Variants in FAM168A observed in about 807,000 individuals in gnomAD.
FAM168A encodes protein FAM168A.
Under a neutral mutation model 28.5 loss-of-function variants are expected in FAM168A, and 3 were observed. The ratio of observed to expected loss-of-function variants is 0.11; its 90% CI spans 0.05 to 0.27. The LOEUF is 0.27. FAM168A is among the 10% of genes least tolerant of loss of function. The pLI, the probability that FAM168A is intolerant of heterozygous loss-of-function variation, is 1.00. For missense variants in FAM168A, 222 were observed against 311.5 expected (o/e 0.71, Z 2.16); for synonymous variants, 122 against 124.2 (o/e 0.98, Z 0.12).
rs61345051 is a variant in FAM168A at position 73,401,260 on chromosome 11, T to G, written c.*5503A>C. On this transcript the variant is annotated 3_prime_UTR_variant, in exon 8 of 8. Transcript: ENST00000356467. ...TACATGCCATGAGAACAGGTTTCTC[T>G]GTCATGTGATATGAAACAGGGAAGC... 2.0e-5 allele frequency: 3 copies of G among 152,184 alleles called. No individual in the cohort carries two copies. The highest frequency in any genetic ancestry group is 2.9e-5 in the Non-Finnish European group (2 of 68,044). The allele number at this position is 152,184 out of a possible 1,614,324, so 9.4% of individuals were successfully genotyped here.
chr11:73,515,567 G>C (rs1590827190), intron 1 of FAM168A, among the ~76,000 whole-genome samples: 1 of 142,020 alleles, frequency 7.0e-6, no homozygotes, highest in Non-Finnish European at 1.5e-5. Flanking sequence ...AAAAGGAAAA[G>C]AAAAAGTACC....
chr11:73,419,028 T>C (rs1315001840), intron 4 of FAM168A, among the ~76,000 whole-genome samples: 1 of 152,062 alleles, frequency 6.6e-6, no homozygotes, highest in Admixed American at 6.6e-5. Flanking sequence ...GCCAGGATGG[T>C]CTCAATCTCC....
At chr11:73,596,321 A>G (rs1012381381) in intron 1 of FAM168A, among the ~76,000 whole-genome samples, 2 of 152,220 alleles carry the variant, frequency 1.3e-5, no homozygotes, top group Non-Finnish European at 2.9e-5. Context: ...GAGACATCAT[A>G]TAGAAAGATA....
At chr11:73,572,920 G>C (rs1174132458) in intron 1 of FAM168A, among the ~76,000 whole-genome samples, 2 of 152,098 alleles carry the variant, frequency 1.3e-5, no homozygotes, top group African/African-American at 4.8e-5. Context: ...TGAAAATTTA[G>C]GTTGATGTTC....
intron 2 of FAM168A, among the ~76,000 whole-genome samples, chr11:73,451,161 G>T (rs969988492): frequency 5.3e-5 from 8 of 152,198 alleles, no homozygotes; most frequent in African/African-American, 1.9e-4. Flanking sequence ...GATTCCTTAA[G>T]CTCTTAGGCT....
intron 1 of FAM168A, among the ~76,000 whole-genome samples, chr11:73,587,491 C>CAAA (rs750571231): frequency 1.1e-5 from 1 of 87,546 alleles, no homozygotes; most frequent in Admixed American, 1.2e-4. Flanking sequence ...GACTCCGTCT[C>CAAA]AAAAAAAAAA....
At chr11:73,468,143 A>G (rs997284900) in intron 2 of FAM168A, among the ~76,000 whole-genome samples, 5 of 152,260 alleles carry the variant, frequency 3.3e-5, no homozygotes, top group Admixed American at 6.5e-5. Flanking sequence ...TTATAAAAAT[A>G]GTTCTCAATA....
chr11:73,410,019 G>A (rs1215335651), intron 5 of FAM168A, among the ~76,000 whole-genome samples: 1 of 152,102 alleles, frequency 6.6e-6, no homozygotes, highest in Non-Finnish European at 1.5e-5. Flanking sequence ...TGTGAACAGG[G>A]CTGGTAAACT....
At chr11:73,431,275 G>A (rs1018093994) in intron 2 of FAM168A, among the ~76,000 whole-genome samples, 2 of 152,144 alleles carry the variant, frequency 1.3e-5, no homozygotes, top group African/African-American at 4.8e-5. Context: ...TCGGGAGGCA[G>A]AGGTTGCAGT....
chr11:73,491,496 T>C lies in FAM168A; in HGVS notation c.-18-23004A>G, dbSNP rs139940673. Among the ~76,000 whole-genome samples, 892 of 152,320 alleles carry C rather than the reference T, an allele frequency of 5.9e-3. 8 individuals are homozygous for C. Among genetic ancestry groups the C allele is most frequent in the Middle Eastern group, 0.027 (8 of 294 alleles). ...ATGTTTGTTAAATTGAACTGAATAATTATTGAGGTATTTATTCTGTTTTTA... is the reference window on the plus strand; with the variant it reads ...ATGTTTGTTAAATTGAACTGAATAACTATTGAGGTATTTATTCTGTTTTTA... On this transcript the variant is annotated intron_variant, in intron 1 of 7. Coordinates refer to ENST00000356467, the MANE Select transcript of FAM168A (RefSeq NM_015159.3).
intron 2 of FAM168A, among the ~76,000 whole-genome samples, chr11:73,462,229 C>G (rs946807672): frequency 1.3e-5 from 2 of 152,168 alleles, no homozygotes; most frequent in East Asian, 3.8e-4. Context: ...GTCCACATAC[C>G]ACTGCATGCG....
chr11:73,534,255 A>G (rs1339403273), intron 1 of FAM168A, among the ~76,000 whole-genome samples: 3 of 152,238 alleles, frequency 2.0e-5, no homozygotes. Context: ...GGATGAGCAG[A>G]AACTGACTTA....
At chr11:73,450,482 T>C (rs1208419913) in intron 2 of FAM168A, among the ~76,000 whole-genome samples, 1 of 152,174 alleles carries the variant, frequency 6.6e-6, no homozygotes, top group Non-Finnish European at 1.5e-5. Context: ...GGGGTTACAT[T>C]TAGAAAATCA....
intron 1 of FAM168A, among the ~76,000 whole-genome samples, chr11:73,504,656 T>C (rs1222797976): frequency 6.6e-6 from 1 of 152,224 alleles, no homozygotes; most frequent in Admixed American, 6.5e-5. Context: ...TTACTGGGTA[T>C]ATACCCAAAG....
chr11:73,555,669 C>A (rs1292924852), intron 1 of FAM168A, among the ~76,000 whole-genome samples: 2 of 150,928 alleles, frequency 1.3e-5, no homozygotes, highest in African/African-American at 4.9e-5. Context: ...GATCTCACCA[C>A]TGCACTCCAG....
At chr11:73,548,833 C>T (rs1475633323) in intron 1 of FAM168A, among the ~76,000 whole-genome samples, 1 of 151,942 alleles carries the variant, frequency 6.6e-6, no homozygotes, top group African/African-American at 2.4e-5. Flanking sequence ...GTGGGGTCTC[C>T]CTATGTTGCC....
At chr11:73,424,381 C>T (rs1196599857) in intron 3 of FAM168A, among the ~76,000 whole-genome samples, 1 of 152,190 alleles carries the variant, frequency 6.6e-6, no homozygotes, top group African/African-American at 2.4e-5. Context: ...AGGACCTAGT[C>T]AAGTTATACT....
intron 1 of FAM168A, among the ~76,000 whole-genome samples, chr11:73,548,270 A>C (rs1307193063): frequency 6.6e-6 from 1 of 152,228 alleles, no homozygotes; most frequent in Admixed American, 6.5e-5. Flanking sequence ...TAAATAAGCA[A>C]GCAAGCTGGG....
At chr11:73,435,575 T>G (rs1305639310) in intron 2 of FAM168A, among the ~76,000 whole-genome samples, 1 of 152,168 alleles carries the variant, frequency 6.6e-6, no homozygotes, top group Non-Finnish European at 1.5e-5. Context: ...TTCCTTCCCT[T>G]CTTACTTTAC....
Sources: allele counts gnomAD v4.1 joint callset (sites outside exome capture counted in the v4.1 genomes callset), GRCh38; gene constraint gnomAD v4.1.1; transcripts MANE v1.5; gene names NCBI Gene and HGNC (gene_info 2026-07-23, HGNC 2026-07-21).